Variants in CNTN4 observed in about 807,000 individuals in gnomAD.
CNTN4 encodes contactin 4, also known as contactin-4.
CNTN4 carries 77 observed loss-of-function variants against 122.5 expected under a neutral mutation model. The ratio of observed to expected loss-of-function variants is 0.63; its 90% CI spans 0.52 to 0.76. The LOEUF (loss-of-function observed/expected upper bound fraction) is 0.76, where lower values mean the gene tolerates loss of function less well. Ranked by LOEUF, CNTN4 falls within the 30% of genes least tolerant of loss-of-function variation. The pLI, the probability that CNTN4 is intolerant of heterozygous loss-of-function variation, is 0.00. For synonymous variants in CNTN4, 512 were observed against 447.0 expected (o/e 1.15, Z -1.83); for missense variants, 1,256 against 1,259.1 (o/e 1.00, Z 0.04).
rs1401156493 is a variant in CNTN4, at chr3:2,591,337, C to T, written c.55+19779C>T. ...TTGATGTAGTCTGCCCTTTGAAGAA[C>T]TAGTAGATTTGTGACTTTTTTTTTT... is the stretch of plus-strand genomic sequence containing the variant. On this transcript the variant is annotated intron_variant, in intron 4 of 24. Transcript: ENST00000418658. Among the ~76,000 whole-genome samples, 2 of 146,558 alleles carry T rather than the reference C, an allele frequency of 1.4e-5. 1 individual carries two copies. The highest frequency in any genetic ancestry group is 3.0e-5 in the Non-Finnish European group (2 of 67,372).
At chr3:2,807,667 G>T (rs2092502044) in intron 6 of CNTN4, among the ~76,000 whole-genome samples, 1 of 152,172 alleles carries the variant, frequency 6.6e-6, no homozygotes, top group South Asian at 2.1e-4. Flanking sequence ...TGCAAAGCAT[G>T]TCCAGTTTCT....
At chr3:2,630,014 A>G (rs574267905) in intron 4 of CNTN4, among the ~76,000 whole-genome samples, 4 of 152,142 alleles carry the variant, frequency 2.6e-5, no homozygotes, top group African/African-American at 9.6e-5. Context: ...CTGCCTCTCT[A>G]CCTGCTTTTG....
intron 6 of CNTN4, among the ~76,000 whole-genome samples, chr3:2,807,967 T>C (rs1475975025): frequency 6.6e-6 from 1 of 152,144 alleles, no homozygotes; most frequent in Non-Finnish European, 1.5e-5. Flanking sequence ...TCTAGTTTCA[T>C]TTGCGAGTAG....
At chr3:2,333,653 G>C (rs1197961374) in intron 2 of CNTN4, among the ~76,000 whole-genome samples, 1 of 152,162 alleles carries the variant, frequency 6.6e-6, no homozygotes, top group African/African-American at 2.4e-5. Context: ...AGTATTCGTT[G>C]TGAAATGATA....
At chr3:2,631,054 C>T (rs1384552329) in intron 4 of CNTN4, among the ~76,000 whole-genome samples, 2 of 152,180 alleles carry the variant, frequency 1.3e-5, no homozygotes, top group Admixed American at 6.5e-5. Flanking sequence ...GGCAAAATCT[C>T]TCATCTGTTC....
intron 6 of CNTN4, among the ~76,000 whole-genome samples, chr3:2,775,212 C>T (rs1303645813): frequency 6.6e-6 from 1 of 152,180 alleles, no homozygotes; most frequent in Admixed American, 6.5e-5. Flanking sequence ...TGGCTTATTT[C>T]AGAATTCAAA....
intron 4 of CNTN4, among the ~76,000 whole-genome samples, chr3:2,695,549 C>G (rs1039343016): frequency 5.3e-5 from 8 of 152,176 alleles, no homozygotes; most frequent in African/African-American, 1.9e-4. Flanking sequence ...AGTTTGATGT[C>G]CTCCTCAGTT....
At chr3:2,932,462 G>A (rs1458431472) in intron 13 of CNTN4, among the ~76,000 whole-genome samples, 1 of 152,154 alleles carries the variant, frequency 6.6e-6, no homozygotes, top group East Asian at 1.9e-4. Flanking sequence ...GGCCTCATTG[G>A]TCTAAAATCA....
intron 2 of CNTN4, among the ~76,000 whole-genome samples, chr3:2,218,453 A>T (rs1226263629): frequency 3.3e-5 from 5 of 152,186 alleles, no homozygotes; most frequent in African/African-American, 1.2e-4. Flanking sequence ...CTGGGAGTTC[A>T]AGGATGTGGT....
intron 2 of CNTN4, among the ~76,000 whole-genome samples, chr3:2,225,767 C>T (rs1426692169): frequency 1.3e-5 from 2 of 152,146 alleles, no homozygotes; most frequent in African/African-American, 4.8e-5. Context: ...TTGCCATCAG[C>T]TAGCTCACAT....
chr3:2,845,271 C>A (rs569382867), intron 7 of CNTN4, among the ~76,000 whole-genome samples: 1 of 152,150 alleles, frequency 6.6e-6, no homozygotes, highest in African/African-American at 2.4e-5. Flanking sequence ...GAAACCAAAA[C>A]TGTAAATGAG....
chr3:2,851,429 G>A (rs1206779811), intron 7 of CNTN4, among the ~76,000 whole-genome samples: 1 of 152,132 alleles, frequency 6.6e-6, no homozygotes, highest in Non-Finnish European at 1.5e-5. Flanking sequence ...TACTCTGATG[G>A]CAGTTATCAT....
intron 4 of CNTN4, among the ~76,000 whole-genome samples, chr3:2,586,581 G>T (rs183500088): frequency 6.6e-6 from 1 of 151,990 alleles, no homozygotes; most frequent in Non-Finnish European, 1.5e-5. Flanking sequence ...GTGAGCCACC[G>T]CCTGCACCCC....
At chr3:2,513,559 A>G (rs1415189407) in intron 3 of CNTN4, among the ~76,000 whole-genome samples, 3 of 152,066 alleles carry the variant, frequency 2.0e-5, no homozygotes, top group Admixed American at 6.6e-5. Flanking sequence ...TGCCTTCTGT[A>G]GAGGAGTATC....
intron 2 of CNTN4, among the ~76,000 whole-genome samples, chr3:2,299,073 C>T (rs2042411554): frequency 6.6e-6 from 1 of 152,046 alleles, no homozygotes; most frequent in African/African-American, 2.4e-5. Flanking sequence ...GATTAAACAG[C>T]ATTCTGACTT....
intron 2 of CNTN4, among the ~76,000 whole-genome samples, chr3:2,246,328 A>G (rs1353697020): frequency 2.0e-5 from 3 of 152,050 alleles, no homozygotes; most frequent in Admixed American, 6.6e-5. Flanking sequence ...GCAATGGGCT[A>G]GCAATTGTGG....
intron 6 of CNTN4, among the ~76,000 whole-genome samples, chr3:2,778,853 A>G (rs1364472144): frequency 6.6e-6 from 1 of 152,216 alleles, no homozygotes; most frequent in East Asian, 1.9e-4. Context: ...ATCAAAAGCA[A>G]ATTACTCACA....
intron 8 of CNTN4, 26 bp from the exon 9 acceptor site, chr3:2,883,118 AG>A (rs2093931342): frequency 6.6e-7 from 1 of 1,513,890 alleles, no homozygotes; most frequent in East Asian, 2.3e-5. Flanking sequence ...AGAATCTCCA[AG>A]ACTTAGCCCC....
rs375195965 is a variant in CNTN4, at chr3:2,745,861, A to T, written c.358+164A>T. 1.1e-4 allele frequency among the ~76,000 whole-genome samples: 17 copies of T among 152,338 alleles called. No individual in the cohort carries two copies. The South Asian group carries it at 3.3e-3, about 30-fold the overall frequency. On this transcript the variant is annotated intron_variant, in intron 6 of 24. Transcript: ENST00000418658. The stretch of plus-strand genomic sequence containing the variant: ...GGAAACAATTTTATTTGTAGGATAA[A>T]CTGTAAATCTAAGTGAGAAGATGTA...
Sources: allele counts gnomAD v4.1 joint callset (sites outside exome capture counted in the v4.1 genomes callset), GRCh38; gene constraint gnomAD v4.1.1; transcripts MANE v1.5; gene names NCBI Gene and HGNC (gene_info 2026-07-23, HGNC 2026-07-21).